Variants in MINDY2 observed in about 807,000 individuals in gnomAD.
MINDY2 encodes MINDY lysine 48 deubiquitinase 2.
In MINDY2, 52 loss-of-function variants were observed where a neutral mutation model predicts 68.2. The observed-to-expected ratio is 0.76, with a 90% CI of 0.61 to 0.96. MINDY2 has a LOEUF of 0.96. Ranked by LOEUF, MINDY2 falls within the 40% of genes least tolerant of loss-of-function variation. The pLI is 0.00. For missense variants in MINDY2, 881 were observed against 773.4 expected (o/e 1.14, Z -1.65); for synonymous variants, 372 against 303.0 (o/e 1.23, Z -2.36).
chr15:58,802,234 A>G (rs1902711109), intron 2 of MINDY2, 79 bp from the exon 3 acceptor site: 1 of 916,474 alleles, frequency 1.1e-6, no homozygotes, highest in African/African-American at 1.7e-5. Flanking sequence ...TAACATTTAT[A>G]ATTAAGATCT....
intron 5 of MINDY2, among the ~76,000 whole-genome samples, chr15:58,822,627 A>C (rs1201833611): frequency 1.3e-5 from 2 of 152,172 alleles, no homozygotes; most frequent in African/African-American, 4.8e-5. Flanking sequence ...TCTAATCCTT[A>C]GCTAACTGGA....
chr15:58,772,287 G>C lies in MINDY2; in HGVS notation c.840+52G>C, dbSNP rs749382054. 2.5e-6 allele frequency: 4 copies of C among 1,597,962 alleles called. No individual in the cohort carries two copies. The East Asian group carries it at 8.9e-5, about 36-fold the overall frequency. On this transcript the variant is annotated intron_variant, in intron 1 of 8. Transcript: ENST00000559228. ...ACAGCTTTTGGGGTGGAGGAAAACG[G>C]GGTGAGGGAGCTGCTGCATGTCAGG...
chr15:58,835,423 C>T (rs996720142), intron 6 of MINDY2, among the ~76,000 whole-genome samples: 12 of 152,042 alleles, frequency 7.9e-5, no homozygotes, highest in Admixed American at 1.3e-4. Context: ...GAGGCCGAGG[C>T]GGGTGAATCA....
intron 6 of MINDY2, among the ~76,000 whole-genome samples, chr15:58,845,170 C>T (rs1263559182): frequency 7.9e-5 from 12 of 151,860 alleles, no homozygotes; most frequent in African/African-American, 2.9e-4. Flanking sequence ...CTTTGGGAGG[C>T]CCAGGTGGGC....
Position 58,772,049 on chromosome 15 carries a change from CAAG to C in MINDY2, c.655_657del (p.Lys219del). 6.2e-7 allele frequency: 1 copy of C among 1,608,652 alleles called. No individual in the cohort carries two copies. ...TGTTGCCCGGGGCTGTTCCTCTGTG[CAAG>C]GAGGAGGAGGGGGAGGAGACCGCTC... On this transcript the variant is annotated inframe_deletion, in exon 1 of 9. Coordinates refer to ENST00000559228, the MANE Select transcript of MINDY2 (RefSeq NM_001040450.3).
intron 3 of MINDY2, among the ~76,000 whole-genome samples, chr15:58,805,397 A>T (rs1902947975): frequency 6.6e-6 from 1 of 152,206 alleles, no homozygotes; most frequent in Non-Finnish European, 1.5e-5. Flanking sequence ...ACTCTTTACC[A>T]GAAGTTGTAA....
At chr15:58,829,569 G>A (rs1235243137) in intron 5 of MINDY2, among the ~76,000 whole-genome samples, 2 of 152,164 alleles carry the variant, frequency 1.3e-5, no homozygotes, top group Non-Finnish European at 2.9e-5. Context: ...CTGAATTTCT[G>A]TGTCTTTTTG....
chr15:58,784,646 ATCTC>A (rs1455200746), intron 1 of MINDY2, among the ~76,000 whole-genome samples: 4 of 108,372 alleles, frequency 3.7e-5, no homozygotes, highest in Non-Finnish European at 7.0e-5. Context: ...TTGAGATCGG[ATCTC>A]TCTCTGTTGC....
intron 4 of MINDY2, among the ~76,000 whole-genome samples, chr15:58,811,172 G>A (rs1277456953): frequency 2.6e-5 from 4 of 152,312 alleles, no homozygotes; most frequent in African/African-American, 9.6e-5. Context: ...CTGGGACAAA[G>A]GTCAAACCTC....
intron 2 of MINDY2, among the ~76,000 whole-genome samples, chr15:58,791,804 A>C (rs1246212270): frequency 1.3e-5 from 2 of 152,070 alleles, no homozygotes; most frequent in African/African-American, 2.4e-5. Context: ...CAGACAACAT[A>C]TATAAACAGT....
chr15:58,804,947 T>C (rs1902916448), intron 3 of MINDY2, among the ~76,000 whole-genome samples: 1 of 152,100 alleles, frequency 6.6e-6, no homozygotes. Flanking sequence ...GGGTGTGATA[T>C]AGTAAGACTC....
Position 58,855,591 on chromosome 15 carries a change from G to A in MINDY2, c.*981G>A, listed in dbSNP as rs1170578680. ...AAAGCACATTTCTGAAATGAAGTTA[G>A]AGATAATCTCTGTGTCTTATAAAAA... On this transcript the variant is annotated 3_prime_UTR_variant, in exon 9 of 9. Coordinates refer to ENST00000559228, the MANE Select transcript of MINDY2 (RefSeq NM_001040450.3). 1.3e-5 allele frequency: 2 copies of A among 152,648 alleles called. No individual in the cohort carries two copies. The highest frequency in any genetic ancestry group is 2.9e-5 in the Non-Finnish European group (2 of 68,030). 9.5% of individuals were successfully genotyped at this position (152,648 alleles called of 1,614,324 possible). A position where few individuals can be genotyped will look rare whatever the true frequency, so the allele number is the denominator to read the frequency against.
At chr15:58,848,076 GAT>G (rs746664937) in intron 7 of MINDY2, among the ~76,000 whole-genome samples, 8 of 33,618 alleles carry the variant, frequency 2.4e-4, no homozygotes, top group Admixed American at 5.3e-4. Flanking sequence ...AGACAGATGA[GAT>G]TTTTTTTTTT....
intron 3 of MINDY2, among the ~76,000 whole-genome samples, chr15:58,804,924 TC>T (rs1719786412): frequency 6.6e-6 from 1 of 151,970 alleles, no homozygotes; most frequent in South Asian, 2.1e-4. Context: ...GCCTAGGAGT[TC>T]AAGACCAATC....
chr15:58,846,783 A>G (rs761982196), intron 6 of MINDY2, among the ~76,000 whole-genome samples: 1 of 152,170 alleles, frequency 6.6e-6, no homozygotes, highest in African/African-American at 2.4e-5. Flanking sequence ...TGTTGTATCT[A>G]TTATTGGTAT....
intron 3 of MINDY2, among the ~76,000 whole-genome samples, chr15:58,803,450 G>C (rs1306258369): frequency 6.7e-6 from 1 of 148,552 alleles, no homozygotes; most frequent in Admixed American, 6.8e-5. Flanking sequence ...GCTGGTGACA[G>C]AGCAAGACTC....
intron 5 of MINDY2, 95 bp downstream of exon 5, chr15:58,821,914 C>A: frequency 1.3e-6 from 1 of 754,828 alleles, no homozygotes; most frequent in Non-Finnish European, 2.1e-6. Flanking sequence ...AATAAGACTT[C>A]TAAAAAACAC....
intron 8 of MINDY2, among the ~76,000 whole-genome samples, chr15:58,854,167 C>A (rs759420356): frequency 1.3e-5 from 2 of 151,544 alleles, no homozygotes; most frequent in Non-Finnish European, 2.9e-5. Flanking sequence ...TCTCTTGAAC[C>A]CAGGAAGTGG....
At chr15:58,813,359 A>G (rs1454783272) in intron 4 of MINDY2, among the ~76,000 whole-genome samples, 1 of 152,044 alleles carries the variant, frequency 6.6e-6, no homozygotes, top group African/African-American at 2.4e-5. Context: ...GCTGGCTGTC[A>G]TGGCATGTGC....
Sources: gnomAD v4.1 joint callset for allele counts (sites outside exome capture counted in the v4.1 genomes callset) on GRCh38, gnomAD v4.1.1 for gene constraint, MANE v1.5 for transcripts, NCBI Gene and HGNC (gene_info 2026-07-23, HGNC 2026-07-21) for gene names.